The following NUDT5 variants were observed in gnomAD, a reference collection of about 807,000 sequenced individuals.
NUDT5 encodes the protein nudix hydrolase 5.
Under a neutral mutation model 34.1 loss-of-function variants are expected in NUDT5, and 21 were observed. The observed-to-expected ratio is 0.62, with a 90% CI of 0.44 to 0.89. NUDT5 has a LOEUF of 0.89. Ranked by LOEUF, NUDT5 falls within the 40% of genes least tolerant of loss-of-function variation. The pLI, the probability that NUDT5 is intolerant of heterozygous loss-of-function variation, is 0.00. For synonymous variants in NUDT5, 85 were observed against 97.6 expected, an observed-to-expected ratio of 0.87 and a Z score of 0.76; for missense variants, 249 against 274.8, an observed-to-expected ratio of 0.91 and a Z score of 0.66.
Position 12,170,745 on chromosome 10 carries a change from G to A in NUDT5, c.522C>T (p.Pro174=), listed in dbSNP as rs1169799196. ...CAAGTCTCTGCAGCAGGTCATTCTT[G>A]GGTAAAGAAATGACTTCCACAAACT... ...DGEFVEVISL[P]KNDLLQRLDA... is the part of the protein sequence containing the mutation. Residue 174 remains proline (P), a synonymous_variant, in exon 9 of 10, where the codon CCC becomes CCT. Transcript: ENST00000491614. The surrounding 1 kb of genome is among the most constrained non-coding windows in gnomAD (Gnocchi z 4.9). The A allele has an allele frequency of 6.2e-7, 1 of 1,614,058 alleles. No individual in the cohort carries two copies. The highest frequency in any genetic ancestry group is 8.5e-7 in the Non-Finnish European group (1 of 1,180,014).
chr10:12,187,391 A>T lies in NUDT5; in HGVS notation c.-41-1059T>A, dbSNP rs1470919090. On this transcript the variant is annotated intron_variant, in intron 1 of 9. Transcript: ENST00000491614. The surrounding 1 kb of genome is among the most constrained non-coding windows in gnomAD (Gnocchi z 5.4). The stretch of plus-strand genomic sequence containing the variant: ...TCAAAGTCATAGTTGCAGAGAAAGG[A>T]TCGAGTAGTACTACAAGTTCTGTTA... Among the ~76,000 whole-genome samples, 2 of 152,246 alleles carry T rather than the reference A, an allele frequency of 1.3e-5. No individual in the cohort carries two copies.
In NUDT5 at chr10:12,171,687, TTTTATTTATTTATTTA is replaced by T. The variant is rs200279977; in HGVS notation, c.488-795_488-780del. ...TGTGCAGTTCAAAAATTAAGATTTA[TTTTATTTATTTATTTA>T]TTTATTTATTTATTTATTTATTTAT... On this transcript the variant is annotated intron_variant, in intron 7 of 9. Coordinates refer to ENST00000491614, the MANE Select transcript of NUDT5 (RefSeq NM_014142.4). This position sits in a 1 kb window ranked among gnomAD's most constrained non-coding sequence, Gnocchi z 4.2. 1.3e-3 allele frequency among the ~76,000 whole-genome samples: 186 copies of T among 140,036 alleles called. 1 individual carries two copies. Among genetic ancestry groups the T allele is most frequent in the Admixed American group, 2.0e-3 (27 of 13,716 alleles). The allele number at this position is 140,036 out of a possible 152,430, so 91.9% of individuals were successfully genotyped here. A position where few individuals can be genotyped will look rare whatever the true frequency, so the allele number is the denominator to read the frequency against.
chr10:12,172,589 AAAG>A, intron 7 of NUDT5, 173 bp downstream of exon 7: 2 of 600,732 alleles, frequency 3.3e-6, no homozygotes, highest in Non-Finnish European at 6.0e-6. Flanking sequence ...TGAAGTGGCA[AAAG>A]AAAAATGCTA....
chr10:12,178,975 A>T, intron 4 of NUDT5, 108 bp downstream of exon 4: 1 of 935,724 alleles, frequency 1.1e-6, no homozygotes, highest in Non-Finnish European at 1.7e-6. Flanking sequence ...GCGGAGATTT[A>T]AAGACACAAC....
At position 12,173,635 on chromosome 10, in the gene NUDT5, C is replaced by T. The variant is rs1292785103; in HGVS notation, c.385+83G>A. 2 of 1,042,988 alleles carry T rather than the reference C, an allele frequency of 1.9e-6. No homozygotes were observed. Among genetic ancestry groups the T allele is most frequent in the Non-Finnish European group, 3.0e-6 (2 of 661,976 alleles). 64.6% of individuals were successfully genotyped at this position (1,042,988 alleles called of 1,614,324 possible). A position where few individuals can be genotyped will look rare whatever the true frequency, so the allele number is the denominator to read the frequency against. On this transcript the variant is annotated intron_variant, in intron 6 of 9. Coordinates refer to ENST00000491614, the MANE Select transcript of NUDT5 (RefSeq NM_014142.4). This position sits in a 1 kb window ranked among gnomAD's most constrained non-coding sequence, Gnocchi z 4.7. ...GTGATTTCTTTCTCTTCAGTGAATT[C>T]TGAGCGTAAAGAACACCCAAATAAT...
Position 12,170,626 on chromosome 10 carries a change from T to C in NUDT5, c.550+91A>G. Reference sequence around the variant, plus strand: ...TTTGACTTTAGTGATACAAAAAAGATAAAGAAATGGAGTTATATTTAGTAC... The same window carrying C: ...TTTGACTTTAGTGATACAAAAAAGACAAAGAAATGGAGTTATATTTAGTAC... On this transcript the variant is annotated intron_variant, in intron 9 of 9. Coordinates refer to ENST00000491614, the MANE Select transcript of NUDT5 (RefSeq NM_014142.4). The surrounding 1 kb of genome is among the most constrained non-coding windows in gnomAD (Gnocchi z 4.9). The C allele has an allele frequency of 8.3e-7, 1 of 1,197,734 alleles. No homozygotes were observed. The highest frequency in any genetic ancestry group is 1.2e-6 in the Non-Finnish European group (1 of 807,824). 74.2% of individuals were successfully genotyped at this position (1,197,734 alleles called of 1,614,324 possible).
chr10:12,184,871 GA>G lies in NUDT5; in HGVS notation c.131+17del, dbSNP rs34162051. ...AACCCAAATAACGAACATTTTGTAAGAAAAAAAAAAAGTTTACCTAGTTTTA... is the reference window on the plus strand; with the variant it reads ...AACCCAAATAACGAACATTTTGTAAGAAAAAAAAAAGTTTACCTAGTTTTA... On this transcript the variant is annotated intron_variant, in intron 3 of 9. Transcript: ENST00000491614. The G allele has an allele frequency of 0.031, 33,855 of 1,093,358 alleles. 119 individuals are homozygous for G. Among genetic ancestry groups the G allele is most frequent in the Non-Finnish European group, 0.035 (28,039 of 799,188 alleles). 67.7% of individuals were successfully genotyped at this position (1,093,358 alleles called of 1,614,324 possible). A position where few individuals can be genotyped will look rare whatever the true frequency, so the allele number is the denominator to read the frequency against.
At position 12,166,764 on chromosome 10, in the gene NUDT5, A is replaced by C. The variant is rs1255591703; in HGVS notation, c.*938T>G. ...AGGCCCTAAAAGTCAACACAAAAAGAGCTAAACTCACTCAAGAAGCTAAGA... is the reference window on the plus strand; with the variant it reads ...AGGCCCTAAAAGTCAACACAAAAAGCGCTAAACTCACTCAAGAAGCTAAGA... On this transcript the variant is annotated 3_prime_UTR_variant, in exon 10 of 10. Coordinates refer to ENST00000491614, the MANE Select transcript of NUDT5 (RefSeq NM_014142.4). The C allele has an allele frequency of 2.0e-6, 1 of 499,482 alleles. No individual in the cohort carries two copies. Among genetic ancestry groups the C allele is most frequent in the Admixed American group, 2.2e-5 (1 of 46,060 alleles). 30.9% of individuals were successfully genotyped at this position (499,482 alleles called of 1,614,324 possible).
In NUDT5 at chr10:12,173,630, G is replaced by A; in HGVS notation, c.385+88C>T. On this transcript the variant is annotated intron_variant, in intron 6 of 9. Transcript: ENST00000491614. The surrounding 1 kb of genome is among the most constrained non-coding windows in gnomAD (Gnocchi z 4.7). ...AATCTGTGATTTCTTTCTCTTCAGT[G>A]AATTCTGAGCGTAAAGAACACCCAA... is the stretch of plus-strand genomic sequence containing the variant. The A allele has an allele frequency of 9.9e-7, 1 of 1,010,442 alleles. No individual in the cohort carries two copies. The highest frequency in any genetic ancestry group is 1.6e-6 in the Non-Finnish European group (1 of 633,266). 62.6% of individuals were successfully genotyped at this position (1,010,442 alleles called of 1,614,324 possible).
At position 12,173,787 on chromosome 10, in the gene NUDT5, C is replaced by T; in HGVS notation, c.316G>A (p.Glu106Lys). 6.2e-7 allele frequency: 1 copy of T among 1,613,822 alleles called. No homozygotes were observed. The highest frequency in any genetic ancestry group is 1.1e-5 in the South Asian group (1 of 91,070). Residue 106 changes from glutamate to lysine, a missense_variant, in exon 6 of 10, where the codon GAA (glutamate) becomes AAA (lysine). Glu to Lys is a moderately conservative substitution (Grantham distance 56). Coordinates refer to ENST00000491614, the MANE Select transcript of NUDT5 (RefSeq NM_014142.4). This position sits in a 1 kb window ranked among gnomAD's most constrained non-coding sequence, Gnocchi z 4.7. ...TCAAGCTCCCGGAGAGCAGCTGCTT[C>T]TGGGGTTTCACCATCATCTATGAGA... ...AGLIDDGETP[E>K]AAALRELEEE...
In NUDT5 at chr10:12,182,719, G is replaced by A. The variant is rs1171998541; in HGVS notation, c.131+2170C>T. 1.3e-5 allele frequency among the ~76,000 whole-genome samples: 2 copies of A among 152,090 alleles called. No homozygotes were observed. Among genetic ancestry groups the A allele is most frequent in the African/African-American group, 2.4e-5 (1 of 41,418 alleles). On this transcript the variant is annotated intron_variant, in intron 3 of 9. Coordinates refer to ENST00000491614, the MANE Select transcript of NUDT5 (RefSeq NM_014142.4). This position sits in a 1 kb window ranked among gnomAD's most constrained non-coding sequence, Gnocchi z 4.3. ...ACCAGTCAGGCGAAGAGATGAGCTG[G>A]CGCGAACACATCTTTTTATTTTATT...
chr10:12,188,597 G>A (rs1491001243), intron 1 of NUDT5, among the ~76,000 whole-genome samples: 3 of 152,110 alleles, frequency 2.0e-5, no homozygotes, highest in African/African-American at 7.2e-5. Context: ...TGGACGTGGT[G>A]GGGTGCGCCT....
rs78904010 is a variant in NUDT5, at chr10:12,179,891, G to A, written c.132-759C>T. Among the ~76,000 whole-genome samples, 665 of 152,298 alleles carry A rather than the reference G, an allele frequency of 4.4e-3. 1 individual carries two copies. Among genetic ancestry groups the A allele is most frequent in the African/African-American group, 0.015 (641 of 41,556 alleles). On this transcript the variant is annotated intron_variant, in intron 3 of 9. Transcript: ENST00000491614. Reference sequence around the variant, plus strand: ...ACACAATTATGCAGTTTAAAGGGGCGAGGCATAAAAGGAACATTCTCCCTT... The same window carrying A: ...ACACAATTATGCAGTTTAAAGGGGCAAGGCATAAAAGGAACATTCTCCCTT...
In NUDT5 at chr10:12,169,403, G is replaced by A. The variant is rs1176880575; in HGVS notation, c.550+1314C>T. The A allele has an allele frequency of 2.4e-5, 23 of 974,176 alleles. No individual in the cohort carries two copies. The highest frequency in any genetic ancestry group is 3.2e-5 in the Non-Finnish European group (21 of 656,184). 60.3% of individuals were successfully genotyped at this position (974,176 alleles called of 1,614,324 possible). ...ACGCACCTCCTCAGAGGGAGGGGCT[G>A]TTATTGTTCCTGTTTTATGAAAAAA... On this transcript the variant is annotated intron_variant, in intron 9 of 9. Transcript: ENST00000491614. This position sits in a 1 kb window ranked among gnomAD's most constrained non-coding sequence, Gnocchi z 4.8.
rs761988707 is a variant in NUDT5 at position 12,184,863 on chromosome 10, T to C, written c.131+26A>G. ...AACCTGAGAACCCAAATAACGAACATTTTGTAAGAAAAAAAAAAAGTTTAC... is the reference window on the plus strand; with the variant it reads ...AACCTGAGAACCCAAATAACGAACACTTTGTAAGAAAAAAAAAAAGTTTAC... On this transcript the variant is annotated intron_variant, in intron 3 of 9. Transcript: ENST00000491614. The C allele has an allele frequency of 2.1e-5, 30 of 1,403,980 alleles. No homozygotes were observed. The Middle Eastern group carries it at 7.1e-4, about 33-fold the overall frequency. 87.0% of individuals were successfully genotyped at this position (1,403,980 alleles called of 1,614,324 possible).
intron 3 of NUDT5, chr10:12,184,422 G>A (rs1835092353): frequency 7.3e-7 from 1 of 1,367,134 alleles, no homozygotes; most frequent in Non-Finnish European, 1.0e-6. Flanking sequence ...TAGGGCTACT[G>A]ACACATATTA....
rs1027993860 is a variant in NUDT5 at position 12,171,556 on chromosome 10, T to C, written c.488-648A>G. 6.6e-6 allele frequency among the ~76,000 whole-genome samples: 1 copy of C among 152,190 alleles called. No homozygotes were observed. The highest frequency in any genetic ancestry group is 2.4e-5 in the African/African-American group (1 of 41,458). On this transcript the variant is annotated intron_variant, in intron 7 of 9. Coordinates refer to ENST00000491614, the MANE Select transcript of NUDT5 (RefSeq NM_014142.4). This position sits in a 1 kb window ranked among gnomAD's most constrained non-coding sequence, Gnocchi z 4.2. ...GCAAGTATATGAGTCCCTGTTTCAC[T>C]TCTTCTGGGTGTAGACTTAGGAGAT...
rs2131690705 is a variant in NUDT5 at position 12,166,663 on chromosome 10, A to C, written c.*1039T>G. 1 of 483,346 alleles carries C rather than the reference A, an allele frequency of 2.1e-6. No homozygotes were observed. The allele number at this position is 483,346 out of a possible 1,614,324, so 29.9% of individuals were successfully genotyped here. On this transcript the variant is annotated 3_prime_UTR_variant, in exon 10 of 10. Coordinates refer to ENST00000491614, the MANE Select transcript of NUDT5 (RefSeq NM_014142.4). ...TGGAGCCAGGCTAGAAACATGACTT[A>C]GGGCTGGATGAGAATCATCCTGAGA...
At position 12,178,999 on chromosome 10, in the gene NUDT5, T is replaced by C. The variant is rs773947188; in HGVS notation, c.181+84A>G. On this transcript the variant is annotated intron_variant, in intron 4 of 9. Coordinates refer to ENST00000491614, the MANE Select transcript of NUDT5 (RefSeq NM_014142.4). ...TAAAGACACAACATCCTAATAGAAGTTAACTTGGTTCCATTGAAAACCCTC... is the reference window on the plus strand; with the variant it reads ...TAAAGACACAACATCCTAATAGAAGCTAACTTGGTTCCATTGAAAACCCTC... 4 of 1,116,274 alleles carry C rather than the reference T, an allele frequency of 3.6e-6. No individual in the cohort carries two copies. In the South Asian group the frequency reaches 3.8e-5, roughly 11 times the overall value. 69.1% of individuals were successfully genotyped at this position (1,116,274 alleles called of 1,614,324 possible).
Sources: gnomAD v4.1 joint callset for allele counts (sites outside exome capture counted in the v4.1 genomes callset) on GRCh38, gnomAD v4.1.1 for gene constraint, Gnocchi (gnomAD v3.1) non-coding constraint, MANE v1.5 for transcripts, NCBI Gene and HGNC (gene_info 2026-07-23, HGNC 2026-07-21) for gene names.